Variants in SGCZ observed in about 807,000 individuals in gnomAD.
SGCZ encodes sarcoglycan zeta, also known as zeta-sarcoglycan.
A neutral mutation model predicts 41.3 loss-of-function variants in SGCZ; 40 were observed. The ratio of observed to expected loss-of-function variants is 0.97; its 90% CI spans 0.75 to 1.26. SGCZ has a LOEUF of 1.26. SGCZ is among the 50% of genes most tolerant of loss of function. The pLI is 0.00. For missense variants in SGCZ, 552 were observed against 369.8 expected (o/e 1.49, Z -4.04); for synonymous variants, 206 against 137.5 (o/e 1.50, Z -3.49).
chr8:14,165,674 C>T (rs1804186835), intron 4 of SGCZ, among the ~76,000 whole-genome samples: 2 of 152,214 alleles, frequency 1.3e-5, no homozygotes, highest in African/African-American at 4.8e-5. Flanking sequence ...AGATAGAACC[C>T]AGCTGAGTCA....
Position 14,628,135 on chromosome 8 carries a change from C to G in SGCZ, c.40-73209G>C, listed in dbSNP as rs113826483. Among the ~76,000 whole-genome samples, 1,209 of 152,050 alleles carry G rather than the reference C, an allele frequency of 8.0e-3. 20 individuals are homozygous for G. Among genetic ancestry groups the G allele is most frequent in the African/African-American group, 0.028 (1,159 of 41,476 alleles). ...GATTGCAGGTTTAATGCTACATTGG[C>G]CATTTAATTTCACAAAAAACCTTTT... On this transcript the variant is annotated intron_variant, in intron 1 of 7. Transcript: ENST00000382080.
chr8:14,630,236 ATT>A (rs10547341), intron 1 of SGCZ, among the ~76,000 whole-genome samples: 7,343 of 147,074 alleles, frequency 0.05, 557 homozygotes, highest in African/African-American at 0.17. Context: ...ATGTGTTTTG[ATT>A]TTTTTTTTTT....
rs189291338 is a variant in SGCZ at position 15,043,484 on chromosome 8, T to C, written c.39+194101A>G. On this transcript the variant is annotated intron_variant, in intron 1 of 7. Transcript: ENST00000382080. ...GTTTTTGGATATATACTTAAGTAAATCATATTTTTCTGATATTGCTACTCT... is the reference window on the plus strand; with the variant it reads ...GTTTTTGGATATATACTTAAGTAAACCATATTTTTCTGATATTGCTACTCT... 4.2e-3 allele frequency among the ~76,000 whole-genome samples: 636 copies of C among 152,192 alleles called. 3 individuals carry two copies. Among genetic ancestry groups the C allele is most frequent in the Non-Finnish European group, 6.5e-3 (445 of 68,014 alleles).
At chr8:14,615,731 A>T (rs1291549099) in intron 1 of SGCZ, among the ~76,000 whole-genome samples, 4 of 152,180 alleles carry the variant, frequency 2.6e-5, no homozygotes, top group Non-Finnish European at 4.4e-5. Context: ...AAGCTTGAGT[A>T]CTGTTTCAAA....
chr8:14,912,570 G>C (rs1011866849), intron 1 of SGCZ, among the ~76,000 whole-genome samples: 5 of 152,000 alleles, frequency 3.3e-5, no homozygotes, highest in African/African-American at 1.2e-4. Context: ...ATGTTTCCAA[G>C]TTGTCATGGT....
chr8:14,952,443 T>C (rs1800670456), intron 1 of SGCZ, among the ~76,000 whole-genome samples: 1 of 152,194 alleles, frequency 6.6e-6, no homozygotes, highest in African/African-American at 2.4e-5. Flanking sequence ...GATTTACTGG[T>C]AATGCTGCAG....
intron 1 of SGCZ, among the ~76,000 whole-genome samples, chr8:15,052,139 G>A (rs1345418924): frequency 1.3e-5 from 2 of 152,168 alleles, no homozygotes; most frequent in African/African-American, 4.8e-5. Flanking sequence ...ATTTCATCAA[G>A]AGGAGGAGAG....
At chr8:14,932,512 T>G (rs1799947637) in intron 1 of SGCZ, among the ~76,000 whole-genome samples, 1 of 152,016 alleles carries the variant, frequency 6.6e-6, no homozygotes, top group South Asian at 2.1e-4. Flanking sequence ...TTTCCCTTAA[T>G]TTTAAGAGAG....
At position 14,587,528 on chromosome 8, in the gene SGCZ, G is replaced by A. The variant is rs1219324757; in HGVS notation, c.40-32602C>T. On this transcript the variant is annotated intron_variant, in intron 1 of 7. Transcript: ENST00000382080. ...CTACCAAAAATTAATTTTAAGATAT[G>A]CTTACAACTTGTTTATATATTGTTA... Among the ~76,000 whole-genome samples, 5 of 152,194 alleles carry A rather than the reference G, an allele frequency of 3.3e-5. No homozygotes were observed. The East Asian group carries it at 5.8e-4, about 18-fold the overall frequency.
intron 1 of SGCZ, among the ~76,000 whole-genome samples, chr8:14,584,574 T>C (rs761166553): frequency 2.9e-4 from 44 of 152,090 alleles, no homozygotes; most frequent in Non-Finnish European, 3.4e-4. Context: ...TAATTACAAA[T>C]GATTAGGTTA....
intron 1 of SGCZ, among the ~76,000 whole-genome samples, chr8:15,096,643 T>C (rs1806357020): frequency 6.6e-6 from 1 of 152,164 alleles, no homozygotes; most frequent in Non-Finnish European, 1.5e-5. Context: ...TTTTACAAAT[T>C]GTAAATATCT....
At chr8:14,343,028 G>C (rs956423042) in intron 2 of SGCZ, among the ~76,000 whole-genome samples, 2 of 152,192 alleles carry the variant, frequency 1.3e-5, no homozygotes, top group Non-Finnish European at 2.9e-5. Flanking sequence ...TACAGCTTGG[G>C]CTGTGACTTC....
At chr8:14,160,068 T>C (rs1803994021) in intron 5 of SGCZ, among the ~76,000 whole-genome samples, 1 of 152,158 alleles carries the variant, frequency 6.6e-6, no homozygotes, top group Non-Finnish European at 1.5e-5. Flanking sequence ...CAGAGTTGGA[T>C]TTCACGATTC....
chr8:14,951,921 T>G (rs1800653644), intron 1 of SGCZ, among the ~76,000 whole-genome samples: 1 of 152,138 alleles, frequency 6.6e-6, no homozygotes, highest in South Asian at 2.1e-4. Flanking sequence ...TTTGCTTGCC[T>G]AGTGGGCATT....
intron 1 of SGCZ, among the ~76,000 whole-genome samples, chr8:14,740,182 C>T (rs1799158201): frequency 6.6e-6 from 1 of 151,992 alleles, no homozygotes; most frequent in South Asian, 2.1e-4. Context: ...GACTTTAATA[C>T]ATCTCCTGGA....
At chr8:15,154,907 C>G (rs1271641923) in intron 1 of SGCZ, among the ~76,000 whole-genome samples, 1 of 152,136 alleles carries the variant, frequency 6.6e-6, no homozygotes, top group Non-Finnish European at 1.5e-5. Flanking sequence ...TAGTGTTCTA[C>G]AGCAGTGTAG....
chr8:14,540,063 G>A (rs767249704), intron 2 of SGCZ, among the ~76,000 whole-genome samples: 9 of 151,816 alleles, frequency 5.9e-5, no homozygotes, highest in Non-Finnish European at 1.2e-4. Context: ...AAATTCAAGG[G>A]AAATCCAGAG....
chr8:14,531,082 TC>T (rs1226915777), intron 2 of SGCZ, among the ~76,000 whole-genome samples: 2 of 151,942 alleles, frequency 1.3e-5, no homozygotes, highest in East Asian at 3.9e-4. Flanking sequence ...ACTGAGAACT[TC>T]CATTCTTGTT....
intron 3 of SGCZ, among the ~76,000 whole-genome samples, chr8:14,241,241 T>C (rs911441401): frequency 4.6e-5 from 7 of 151,978 alleles, no homozygotes; most frequent in East Asian, 1.9e-4. Flanking sequence ...GTTTAAGATA[T>C]TTAAATAGAC....
Sources: allele counts gnomAD v4.1 joint callset (sites outside exome capture counted in the v4.1 genomes callset), GRCh38; gene constraint gnomAD v4.1.1; transcripts MANE v1.5; gene names NCBI Gene and HGNC (gene_info 2026-07-23, HGNC 2026-07-21).